Variants in SGPP1 observed in about 807,000 individuals in gnomAD.
SGPP1 encodes sphingosine-1-phosphate phosphatase 1.
SGPP1 carries 21 observed loss-of-function variants against 33.0 expected under a neutral mutation model. The observed-to-expected ratio is 0.64, with a 90% CI of 0.45 to 0.92. The LOEUF (loss-of-function observed/expected upper bound fraction) is 0.92, where lower values mean the gene tolerates loss of function less well. Ranked by LOEUF, SGPP1 falls within the 40% of genes least tolerant of loss-of-function variation. The pLI is 0.00. For synonymous variants in SGPP1, 239 were observed against 241.2 expected, an observed-to-expected ratio of 0.99 and a Z score of 0.08; for missense variants, 543 against 589.4, an observed-to-expected ratio of 0.92 and a Z score of 0.81.
chr14:63,703,060 AC>A lies in SGPP1; in HGVS notation c.685-4403del, dbSNP rs555709931. Among the ~76,000 whole-genome samples the A allele has an allele frequency of 7.5e-3, 1,141 of 152,182 alleles. 13 individuals are homozygous for A. Among genetic ancestry groups the A allele is most frequent in the African/African-American group, 0.026 (1,092 of 41,522 alleles). The stretch of plus-strand genomic sequence containing the variant: ...CTCTGCTGATGAGCGGGGCTACTAT[AC>A]CCCCATTCACAGACGAAGTGATCCT... On this transcript the variant is annotated intron_variant, in intron 1 of 2. Coordinates refer to ENST00000247225, the MANE Select transcript of SGPP1 (RefSeq NM_030791.4).
At chr14:63,707,405 C>T (rs1187037321) in intron 1 of SGPP1, among the ~76,000 whole-genome samples, 1 of 152,076 alleles carries the variant, frequency 6.6e-6, no homozygotes, top group African/African-American at 2.4e-5. Flanking sequence ...GCTTGTAACA[C>T]GTCAGAGCTA....
chr14:63,706,301 T>C (rs1885406511), intron 1 of SGPP1, among the ~76,000 whole-genome samples: 2 of 152,194 alleles, frequency 1.3e-5, no homozygotes, highest in African/African-American at 2.4e-5. Context: ...AAATGCTTAA[T>C]GGGAAGAGGG....
chr14:63,689,158 T>C (rs988771127), intron 2 of SGPP1, among the ~76,000 whole-genome samples: 1 of 152,234 alleles, frequency 6.6e-6, no homozygotes, highest in African/African-American at 2.4e-5. Flanking sequence ...ATAAAATTCA[T>C]ATCTATGAAA....
Position 63,686,148 on chromosome 14 carries a change from G to A in SGPP1, c.1283C>T (p.Thr428Ile). ...ITYGMVGFSI[T>I]FFVPYIFFFI... ...GAAAAATATGTAAGGAACAAAAAAT[G>A]TGATGGAGAAACCAACCATTCCATA... Residue 428 changes from threonine (T) to isoleucine (I), a missense_variant, in exon 3 of 3, where the codon ACA becomes ATA. Transcript: ENST00000247225. 1 of 1,608,972 alleles carries A rather than the reference G, an allele frequency of 6.2e-7. No homozygotes were observed. The highest frequency in any genetic ancestry group is 1.1e-5 in the South Asian group (1 of 90,044).
At chr14:63,726,154 A>G (rs544555606) in intron 1 of SGPP1, among the ~76,000 whole-genome samples, 115 of 152,344 alleles carry the variant, frequency 7.5e-4, no homozygotes, top group African/African-American at 2.7e-3. Flanking sequence ...AATTTTATCT[A>G]CACTGAAATT....
At chr14:63,702,309 T>C (rs1885316374) in intron 1 of SGPP1, among the ~76,000 whole-genome samples, 1 of 152,220 alleles carries the variant, frequency 6.6e-6, no homozygotes, top group African/African-American at 2.4e-5. Context: ...TTCACTGGGA[T>C]GAGGTGACTA....
At chr14:63,718,181 G>A (rs891866871) in intron 1 of SGPP1, among the ~76,000 whole-genome samples, 5 of 151,760 alleles carry the variant, frequency 3.3e-5, no homozygotes, top group Non-Finnish European at 7.4e-5. Context: ...CCAGGAGGTG[G>A]AGGTTGCAGT....
intron 1 of SGPP1, among the ~76,000 whole-genome samples, chr14:63,720,940 G>C (rs951979199): frequency 6.6e-6 from 1 of 152,138 alleles, no homozygotes; most frequent in African/African-American, 2.4e-5. Flanking sequence ...ACAGAGTCTT[G>C]TTCTGTCAGC....
rs1884972632 is a variant in SGPP1 at position 63,686,309 on chromosome 14, T to C, written c.1122A>G (p.Val374=). 1.2e-6 allele frequency: 2 copies of C among 1,614,042 alleles called. No individual in the cohort carries two copies. Among genetic ancestry groups the C allele is most frequent in the Non-Finnish European group, 1.7e-6 (2 of 1,179,980 alleles). Residue 374 remains valine, a synonymous_variant, in exon 3 of 3, where the codon GTA becomes GTG. Coordinates refer to ENST00000247225, the MANE Select transcript of SGPP1 (RefSeq NM_030791.4). Reference sequence around the variant, plus strand: ...TTACATCTCTGATTATTAGTACAAATACCATCCCTATGAGGATCCGCAATA... The same window carrying C: ...TTACATCTCTGATTATTAGTACAAACACCATCCCTATGAGGATCCGCAATA... ...KAILRILIGM[V]FVLIIRDVMK...
At chr14:63,695,279 A>G (rs917086298) in intron 2 of SGPP1, among the ~76,000 whole-genome samples, 9 of 152,062 alleles carry the variant, frequency 5.9e-5, no homozygotes, top group Admixed American at 5.2e-4. Context: ...GATGGTCTCG[A>G]TCTTCTGACC....
In SGPP1 at chr14:63,727,476, G is replaced by T. The variant is rs536293796; in HGVS notation, c.469C>A (p.Pro157Thr). 6.2e-6 allele frequency: 10 copies of T among 1,614,128 alleles called. No homozygotes were observed. In the South Asian group the frequency reaches 8.8e-5, roughly 14 times the overall value. ...FFPFWIWNLD[P>T]LVGRRLVVIW... ...ACCACGAGCCTCCGGCCCACCAGAG[G>T]GTCCAGGTTCCAGATCCAGAAGGGG... is the stretch of plus-strand genomic sequence containing the variant. Residue 157 changes from proline to threonine, a missense_variant, in exon 1 of 3, where the codon CCT becomes ACT. Pro to Thr is a conservative substitution (Grantham distance 38). Transcript: ENST00000247225.
At chr14:63,716,579 G>A (rs1885631612) in intron 1 of SGPP1, among the ~76,000 whole-genome samples, 1 of 152,050 alleles carries the variant, frequency 6.6e-6, no homozygotes. Context: ...TGCAGTCCTA[G>A]CTACTCTGGA....
chr14:63,694,124 A>T (rs1373205373), intron 2 of SGPP1, among the ~76,000 whole-genome samples: 1 of 152,000 alleles, frequency 6.6e-6, no homozygotes, highest in Non-Finnish European at 1.5e-5. Context: ...TTCCAAAAAG[A>T]AAAAATAGAA....
Position 63,701,907 on chromosome 14 carries a change from G to C in SGPP1, c.685-3249C>G, listed in dbSNP as rs1160793466. On this transcript the variant is annotated intron_variant, in intron 1 of 2. Transcript: ENST00000247225. Reference sequence around the variant, plus strand: ...ACCTTTAAAGTCTAATTTTTAAAAAGCTGTTGACAGCAAAAAAAAAAAAAA... The same window carrying C: ...ACCTTTAAAGTCTAATTTTTAAAAACCTGTTGACAGCAAAAAAAAAAAAAA... Among the ~76,000 whole-genome samples the C allele has an allele frequency of 3.4e-5, 4 of 117,232 alleles. No homozygotes were observed. The East Asian group carries it at 9.3e-4, about 27-fold the overall frequency. The allele number at this position is 117,232 out of a possible 152,430, so 76.9% of individuals were successfully genotyped here. A position where few individuals can be genotyped will look rare whatever the true frequency, so the allele number is the denominator to read the frequency against.
intron 1 of SGPP1, among the ~76,000 whole-genome samples, chr14:63,711,185 T>C (rs1885515395): frequency 6.6e-6 from 1 of 152,070 alleles, no homozygotes; most frequent in Admixed American, 6.6e-5. Context: ...AGCTAATTTT[T>C]TGTAATTTTA....
At chr14:63,718,813 A>T (rs1436100480) in intron 1 of SGPP1, among the ~76,000 whole-genome samples, 2 of 150,828 alleles carry the variant, frequency 1.3e-5, no homozygotes, top group Non-Finnish European at 3.0e-5. Context: ...AATAAAAGAA[A>T]TGCTTTGAAT....
rs1243439314 is a variant in SGPP1 at position 63,720,616 on chromosome 14, CG to C, written c.684+6644del. ...TCTACTAAAAATTAAAAAAATTAGC[CG>C]GGCGTGATGGTGGACGCCTGTAATC... On this transcript the variant is annotated intron_variant, in intron 1 of 2. Transcript: ENST00000247225. 2.0e-5 allele frequency among the ~76,000 whole-genome samples: 3 copies of C among 151,766 alleles called. No individual in the cohort carries two copies. The East Asian group carries it at 5.9e-4, about 30-fold the overall frequency.
chr14:63,726,599 T>G (rs2139658701), intron 1 of SGPP1, among the ~76,000 whole-genome samples: 1 of 152,338 alleles, frequency 6.6e-6, no homozygotes, highest in South Asian at 2.1e-4. Context: ...ACTATAGTAT[T>G]ACAGTTGTAG....
intron 1 of SGPP1, among the ~76,000 whole-genome samples, chr14:63,723,941 A>G (rs941285399): frequency 2.6e-5 from 4 of 152,070 alleles, no homozygotes; most frequent in Middle Eastern, 3.2e-3. Flanking sequence ...GCAGTGGTGC[A>G]ATCACACCTC....
Sources: allele counts gnomAD v4.1 joint callset (sites outside exome capture counted in the v4.1 genomes callset), GRCh38; gene constraint gnomAD v4.1.1; transcripts MANE v1.5; gene names NCBI Gene and HGNC (gene_info 2026-07-23, HGNC 2026-07-21).